BTRC: variants seen among roughly 807,000 people sequenced by gnomAD.
The protein encoded by BTRC is beta-transducin repeat containing E3 ubiquitin protein ligase, also known as F-box/WD repeat-containing protein 1A.
A neutral mutation model predicts 85.5 loss-of-function variants in BTRC; 42 were observed. The observed-to-expected ratio is 0.49, with a 90% CI of 0.38 to 0.64. The LOEUF (loss-of-function observed/expected upper bound fraction) is 0.64, where lower values mean the gene tolerates loss of function less well. BTRC is among the 30% of genes least tolerant of loss of function. The pLI, the probability that BTRC is intolerant of heterozygous loss-of-function variation, is 0.00. For missense variants in BTRC, 594 were observed against 743.5 expected, an observed-to-expected ratio of 0.80 and a Z score of 2.34; for synonymous variants, 255 against 263.3, an observed-to-expected ratio of 0.97 and a Z score of 0.30.
intron 4 of BTRC, among the ~76,000 whole-genome samples, chr10:101,511,286 A>G (rs2061950130): frequency 1.3e-5 from 2 of 151,462 alleles, no homozygotes; most frequent in South Asian, 2.1e-4. Flanking sequence ...CCTTCTATCT[A>G]GAAGGATCTT....
rs1251518649 is a variant in BTRC at position 101,550,407 on chromosome 10, C to T, written c.1657-292C>T. ...TCAAGCAATTCTTCTGCCTCAGCCTCCCAAGTAGCTGGGACTATAGGCACA... is the reference window on the plus strand; with the variant it reads ...TCAAGCAATTCTTCTGCCTCAGCCTTCCAAGTAGCTGGGACTATAGGCACA... On this transcript the variant is annotated intron_variant, in intron 13 of 14. Transcript: ENST00000370187. 2.0e-5 allele frequency among the ~76,000 whole-genome samples: 3 copies of T among 152,068 alleles called. No individual in the cohort carries two copies. In the East Asian group the frequency reaches 5.8e-4, roughly 29 times the overall value.
chr10:101,535,596 C>A, intron 11 of BTRC, 124 bp downstream of exon 11: 1 of 637,394 alleles, frequency 1.6e-6, no homozygotes, highest in Non-Finnish European at 2.5e-6. Flanking sequence ...CTTTCTGTAG[C>A]TTCTTACAGG....
chr10:101,388,742 C>T (rs1387452391), intron 1 of BTRC, among the ~76,000 whole-genome samples: 1 of 151,558 alleles, frequency 6.6e-6, no homozygotes, highest in Non-Finnish European at 1.5e-5. Context: ...CTGCCCACCT[C>T]AGCCTCTCAA....
At chr10:101,550,353 C>T (rs949118904) in intron 13 of BTRC, among the ~76,000 whole-genome samples, 4 of 151,742 alleles carry the variant, frequency 2.6e-5, no homozygotes, top group Non-Finnish European at 5.9e-5. Context: ...GGAGTGATCT[C>T]GGCTCACTGC....
chr10:101,362,461 T>C (rs1345352760), intron 1 of BTRC, among the ~76,000 whole-genome samples: 2 of 151,352 alleles, frequency 1.3e-5, no homozygotes, highest in Admixed American at 1.3e-4. Flanking sequence ...AATGGCACAA[T>C]CTCGGCTCAC....
intron 6 of BTRC, among the ~76,000 whole-genome samples, chr10:101,526,855 T>G (rs1304858893): frequency 6.6e-6 from 1 of 152,242 alleles, no homozygotes; most frequent in Non-Finnish European, 1.5e-5. Context: ...TCATTGTTTC[T>G]TCTTAAGACT....
At chr10:101,453,534 A>G (rs1945001443) in intron 2 of BTRC, 1 of 152,236 alleles carries the variant, frequency 6.6e-6, no homozygotes, top group South Asian at 2.1e-4. Context: ...AACCTTGAGC[A>G]AGATGCTTAC....
intron 3 of BTRC, among the ~76,000 whole-genome samples, chr10:101,477,370 T>G (rs1054617679): frequency 1.3e-5 from 2 of 152,130 alleles, no homozygotes; most frequent in Non-Finnish European, 1.5e-5. Flanking sequence ...TAAACATAAT[T>G]TATACCATCA....
At chr10:101,434,790 C>T (rs754632984) in intron 2 of BTRC, among the ~76,000 whole-genome samples, 1 of 150,438 alleles carries the variant, frequency 6.6e-6, no homozygotes, top group Non-Finnish European at 1.5e-5. Context: ...GCTGAAACCC[C>T]GTCTCTACTA....
intron 2 of BTRC, among the ~76,000 whole-genome samples, chr10:101,434,762 A>G (rs1944484293): frequency 6.6e-6 from 1 of 151,278 alleles, no homozygotes; most frequent in Non-Finnish European, 1.5e-5. Flanking sequence ...ACTGCTTAAG[A>G]ACAGCCTGAC....
intron 3 of BTRC, among the ~76,000 whole-genome samples, chr10:101,467,196 A>T (rs1589506497): frequency 3.3e-5 from 1 of 29,982 alleles, no homozygotes; most frequent in South Asian, 1.5e-3. Context: ...TTCTTCCTTT[A>T]AAAAAAAAAA....
intron 13 of BTRC, among the ~76,000 whole-genome samples, chr10:101,540,669 A>G (rs747319690): frequency 6.6e-6 from 1 of 152,258 alleles, no homozygotes; most frequent in South Asian, 2.1e-4. Context: ...TTAATTTTTT[A>G]ATAAATAAAT....
At chr10:101,444,597 G>A (rs1042201794) in intron 2 of BTRC, among the ~76,000 whole-genome samples, 1 of 152,128 alleles carries the variant, frequency 6.6e-6, no homozygotes, top group South Asian at 2.1e-4. Flanking sequence ...AACAGCCAAT[G>A]TATTTATGAT....
intron 1 of BTRC, among the ~76,000 whole-genome samples, chr10:101,409,203 G>T (rs1026261713): frequency 5.9e-5 from 9 of 152,152 alleles, no homozygotes; most frequent in African/African-American, 2.2e-4. Context: ...CCAAGTAAAA[G>T]CTTTTATCCA....
intron 1 of BTRC, chr10:101,414,796 T>TA (rs985132492): frequency 6.0e-6 from 1 of 168,018 alleles, no homozygotes; most frequent in Non-Finnish European, 1.3e-5. Context: ...ATAATATATA[T>TA]TTTTTAAATA....
At chr10:101,542,555 C>G (rs2062484179) in intron 13 of BTRC, among the ~76,000 whole-genome samples, 1 of 152,144 alleles carries the variant, frequency 6.6e-6, no homozygotes, top group Non-Finnish European at 1.5e-5. Context: ...TTTCTCCTTA[C>G]AGTTGTGACA....
chr10:101,524,313 T>TACTG (rs1196393455), intron 5 of BTRC, among the ~76,000 whole-genome samples: 17 of 152,182 alleles, frequency 1.1e-4, no homozygotes, highest in Non-Finnish European at 2.2e-4. Context: ...CCTCATTACT[T>TACTG]TGTTCTCCCC....
At chr10:101,457,015 A>G (rs550927886) in intron 2 of BTRC, among the ~76,000 whole-genome samples, 61 of 152,318 alleles carry the variant, frequency 4.0e-4, no homozygotes, top group Non-Finnish European at 4.6e-4. Context: ...TCTGAACTCC[A>G]TGTATACTAT....
intron 4 of BTRC, among the ~76,000 whole-genome samples, chr10:101,489,600 G>A (rs2134254204): frequency 6.6e-6 from 1 of 152,198 alleles, no homozygotes; most frequent in Admixed American, 6.5e-5. Context: ...CATGAGCTCA[G>A]GAACCATACA....
Sources: gnomAD v4.1 joint callset for allele counts (sites outside exome capture counted in the v4.1 genomes callset) on GRCh38, gnomAD v4.1.1 for gene constraint, MANE v1.5 for transcripts, NCBI Gene and HGNC (gene_info 2026-07-23, HGNC 2026-07-21) for gene names.